Variants in RPS6KA2 observed in about 807,000 individuals in gnomAD.
The protein encoded by RPS6KA2 is ribosomal protein S6 kinase alpha-2.
RPS6KA2 carries 42 observed loss-of-function variants against 91.8 expected under a neutral mutation model. The observed-to-expected ratio is 0.46, with a 90% CI of 0.36 to 0.59. The LOEUF (loss-of-function observed/expected upper bound fraction) is 0.59. RPS6KA2 is among the 20% of genes least tolerant of loss of function. The pLI is 0.00. For synonymous variants in RPS6KA2, 414 were observed against 393.6 expected (o/e 1.05, Z -0.61); for missense variants, 798 against 978.5 (o/e 0.82, Z 2.46).
chr6:166,535,699 C>T (rs188772486), intron 2 of RPS6KA2, among the ~76,000 whole-genome samples: 417 of 152,362 alleles, frequency 2.7e-3, no homozygotes, highest in Non-Finnish European at 4.7e-3. Context: ...TGCACCCCTC[C>T]TTTCAACACT....
intron 2 of RPS6KA2, among the ~76,000 whole-genome samples, chr6:166,743,208 G>A (rs1470417031): frequency 6.6e-6 from 1 of 152,206 alleles, no homozygotes; most frequent in African/African-American, 2.4e-5. Context: ...CCAAAACACG[G>A]TTCACAAAGG....
intron 2 of RPS6KA2, among the ~76,000 whole-genome samples, chr6:166,695,843 C>T (rs1789343458): frequency 6.6e-6 from 1 of 151,828 alleles, no homozygotes; most frequent in Non-Finnish European, 1.5e-5. Flanking sequence ...ACTGGATTCT[C>T]ACAGGAGCAC....
At chr6:166,566,522 C>G (rs1784510389) in intron 1 of RPS6KA2, among the ~76,000 whole-genome samples, 1 of 152,218 alleles carries the variant, frequency 6.6e-6, no homozygotes, top group African/African-American at 2.4e-5. Context: ...CTCAGGCTTC[C>G]AGGCAGCAGA....
intron 11 of RPS6KA2, among the ~76,000 whole-genome samples, chr6:166,464,058 T>A (rs1168976223): frequency 6.6e-6 from 1 of 152,238 alleles, no homozygotes; most frequent in African/African-American, 2.4e-5. Context: ...CTGCTGGCAA[T>A]GGGAGCAACA....
chr6:166,730,770 G>A (rs1790488604), intron 2 of RPS6KA2, among the ~76,000 whole-genome samples: 1 of 152,134 alleles, frequency 6.6e-6, no homozygotes, highest in Admixed American at 6.5e-5. Flanking sequence ...TTATGTTCTG[G>A]TTTTGTTAAA....
chr6:166,759,727 A>C (rs1297192687), intron 2 of RPS6KA2, among the ~76,000 whole-genome samples: 5 of 152,072 alleles, frequency 3.3e-5, no homozygotes, highest in African/African-American at 4.8e-5. Context: ...AGAAATAGGC[A>C]CTCCTGCTTC....
rs375948742 is a variant in RPS6KA2 at position 166,413,099 on chromosome 6, G to GC, written c.2077-213dup. Among the ~76,000 whole-genome samples the GC allele has an allele frequency of 7.8e-3, 1,188 of 151,936 alleles. 9 individuals are homozygous for GC. Among genetic ancestry groups the GC allele is most frequent in the African/African-American group, 0.018 (757 of 41,416 alleles). ...GACAGGGGCCCTGTCTCCTGCACCT[G>GC]CCCCCCCCACCCCATGCCACCCTGG... On this transcript the variant is annotated intron_variant, in intron 20 of 20. Coordinates refer to ENST00000265678, the MANE Select transcript of RPS6KA2 (RefSeq NM_021135.6).
chr6:166,743,158 C>T (rs543401190), intron 2 of RPS6KA2, among the ~76,000 whole-genome samples: 2 of 151,634 alleles, frequency 1.3e-5, no homozygotes, highest in South Asian at 2.1e-4. Flanking sequence ...AGGCCAGCTC[C>T]GTGGCCCCCA....
chr6:166,764,447 C>CA (rs1554256163), intron 2 of RPS6KA2, among the ~76,000 whole-genome samples: 6 of 152,024 alleles, frequency 3.9e-5, no homozygotes, highest in African/African-American at 1.5e-4. Flanking sequence ...TCTAACAACA[C>CA]GGGGCCCGCG....
chr6:166,602,984 G>C (rs1296075680), intron 1 of RPS6KA2, among the ~76,000 whole-genome samples: 1 of 152,248 alleles, frequency 6.6e-6, no homozygotes, highest in African/African-American at 2.4e-5. Flanking sequence ...TCTGGAGAGA[G>C]AGAGAGGTGT....
chr6:166,553,193 G>A (rs957865507), intron 1 of RPS6KA2, among the ~76,000 whole-genome samples: 33 of 152,114 alleles, frequency 2.2e-4, no homozygotes, highest in Non-Finnish European at 8.8e-5. Context: ...AACACCCCTC[G>A]CTGCATCTTT....
At chr6:166,579,942 A>G (rs1457883468) in intron 1 of RPS6KA2, among the ~76,000 whole-genome samples, 4 of 152,228 alleles carry the variant, frequency 2.6e-5, no homozygotes, top group Non-Finnish European at 5.9e-5. Context: ...GCCAAAAAGA[A>G]TAGGGAATGC....
At chr6:166,796,448 G>A (rs1562444499) in intron 2 of RPS6KA2, among the ~76,000 whole-genome samples, 1 of 152,174 alleles carries the variant, frequency 6.6e-6, no homozygotes, top group African/African-American at 2.4e-5. Context: ...AATTAGCTGG[G>A]TGTGGTGGCA....
At chr6:166,817,648 A>T (rs557946200) in intron 2 of RPS6KA2, among the ~76,000 whole-genome samples, 2 of 152,040 alleles carry the variant, frequency 1.3e-5, no homozygotes, top group Non-Finnish European at 2.9e-5. Flanking sequence ...AGTTGTTACA[A>T]TTGTGCATTA....
intron 2 of RPS6KA2, among the ~76,000 whole-genome samples, chr6:166,724,586 C>G (rs1168497438): frequency 4.6e-5 from 7 of 152,318 alleles, no homozygotes; most frequent in Admixed American, 3.3e-4. Context: ...GTGCTCACCC[C>G]ACTTATGCTT....
intron 2 of RPS6KA2, among the ~76,000 whole-genome samples, chr6:166,670,542 A>C (rs1788441930): frequency 6.6e-6 from 1 of 152,240 alleles, no homozygotes; most frequent in Non-Finnish European, 1.5e-5. Context: ...CATTCTGAGT[A>C]ACATGACTGC....
chr6:166,520,860 C>G (rs755104579), intron 3 of RPS6KA2, among the ~76,000 whole-genome samples: 11 of 152,348 alleles, frequency 7.2e-5, no homozygotes, highest in South Asian at 2.1e-4. Context: ...TTCTCCAAGG[C>G]AACAGAAACA....
intron 1 of RPS6KA2, among the ~76,000 whole-genome samples, chr6:166,602,299 A>G (rs1785769506): frequency 6.6e-6 from 1 of 152,208 alleles, no homozygotes; most frequent in Non-Finnish European, 1.5e-5. Flanking sequence ...ATTTGGTAAC[A>G]TTTACTATAG....
intron 1 of RPS6KA2, among the ~76,000 whole-genome samples, chr6:166,570,331 T>C (rs1304908186): frequency 6.6e-6 from 1 of 152,236 alleles, no homozygotes; most frequent in Non-Finnish European, 1.5e-5. Flanking sequence ...CAATGGGCCC[T>C]GGCTCCCCTT....
Sources: allele counts gnomAD v4.1 joint callset (sites outside exome capture counted in the v4.1 genomes callset), GRCh38; gene constraint gnomAD v4.1.1; transcripts MANE v1.5; gene names NCBI Gene and HGNC (gene_info 2026-07-23, HGNC 2026-07-21).